Variants in DPYSL3 observed in about 807,000 individuals in gnomAD.
DPYSL3 encodes dihydropyrimidinase like 3.
Under a neutral mutation model 66.1 loss-of-function variants are expected in DPYSL3, and 16 were observed. The observed-to-expected ratio is 0.24, with a 90% CI of 0.16 to 0.37. The LOEUF is 0.37. Ranked by LOEUF, DPYSL3 falls within the 10% of genes least tolerant of loss-of-function variation. The pLI is 1.00. For synonymous variants in DPYSL3, 338 were observed against 345.1 expected, an observed-to-expected ratio of 0.98 and a Z score of 0.23; for missense variants, 738 against 916.2, an observed-to-expected ratio of 0.81 and a Z score of 2.51.
In DPYSL3 at chr5:147,392,075, A is replaced by G. The variant is rs1757826679; in HGVS notation, c.*1960T>C. 6.6e-6 allele frequency: 1 copy of G among 152,194 alleles called. No homozygotes were observed. The highest frequency in any genetic ancestry group is 1.5e-5 in the Non-Finnish European group (1 of 68,044). The allele number at this position is 152,194 out of a possible 1,614,324, so 9.4% of individuals were successfully genotyped here. The stretch of plus-strand genomic sequence containing the variant: ...TGTGGCTGGTACTGCAACCTATCCC[A>G]AAGTAACAGCCTAGTCAATGAGGTA... On this transcript the variant is annotated 3_prime_UTR_variant, in exon 14 of 14. Transcript: ENST00000343218.
chr5:147,502,757 T>C (rs917041097), intron 1 of DPYSL3, among the ~76,000 whole-genome samples: 108 of 152,184 alleles, frequency 7.1e-4, no homozygotes, highest in African/African-American at 2.6e-3. Flanking sequence ...TTTGTATTTT[T>C]AGTAGAGACG....
intron 1 of DPYSL3, among the ~76,000 whole-genome samples, chr5:147,447,507 G>A (rs943282335): frequency 6.6e-6 from 1 of 152,144 alleles, no homozygotes; most frequent in African/African-American, 2.4e-5. Context: ...TAGAGAAAGT[G>A]GGAGAAAAGG....
At chr5:147,396,820 C>T (rs1214141414) in intron 12 of DPYSL3, among the ~76,000 whole-genome samples, 1 of 150,248 alleles carries the variant, frequency 6.7e-6, no homozygotes, top group Non-Finnish European at 1.5e-5. Flanking sequence ...GGCTAATACA[C>T]ATATATATAC....
chr5:147,498,550 C>T (rs1250751872), intron 1 of DPYSL3, among the ~76,000 whole-genome samples: 1 of 152,194 alleles, frequency 6.6e-6, no homozygotes, highest in Non-Finnish European at 1.5e-5. Context: ...TTTACACTCC[C>T]ACCAACAGTG....
chr5:147,446,209 C>T (rs761207267), intron 1 of DPYSL3, among the ~76,000 whole-genome samples: 12 of 152,166 alleles, frequency 7.9e-5, no homozygotes, highest in Non-Finnish European at 1.3e-4. Flanking sequence ...TGGTTCAATG[C>T]CCTCATTTTA....
intron 1 of DPYSL3, among the ~76,000 whole-genome samples, chr5:147,443,137 C>T (rs1187638837): frequency 1.3e-5 from 2 of 152,174 alleles, no homozygotes; most frequent in African/African-American, 2.4e-5. Flanking sequence ...CCAGCAATCC[C>T]ATTACTGGGT....
chr5:147,392,619 T>C lies in DPYSL3; in HGVS notation c.*1416A>G, dbSNP rs1182727292. On this transcript the variant is annotated 3_prime_UTR_variant, in exon 14 of 14. Transcript: ENST00000343218. Reference sequence around the variant, plus strand: ...CACAGGACTTGCTCCAAAACTGAATTTTCAGAAGCAGCATGATAGGGAAAG... The same window carrying C: ...CACAGGACTTGCTCCAAAACTGAATCTTCAGAAGCAGCATGATAGGGAAAG... The C allele has an allele frequency of 6.6e-6, 1 of 152,212 alleles. No homozygotes were observed. The highest frequency in any genetic ancestry group is 2.4e-5 in the African/African-American group (1 of 41,444). The allele number at this position is 152,212 out of a possible 1,614,324, so 9.4% of individuals were successfully genotyped here. A position where few individuals can be genotyped will look rare whatever the true frequency, so the allele number is the denominator to read the frequency against.
chr5:147,492,333 A>G (rs764382226), intron 1 of DPYSL3, among the ~76,000 whole-genome samples: 13 of 152,144 alleles, frequency 8.5e-5, no homozygotes, highest in Non-Finnish European at 1.8e-4. Context: ...GGATCTACAT[A>G]AAGAAAAGAA....
At chr5:147,415,530 T>C (rs12515377) in intron 4 of DPYSL3, among the ~76,000 whole-genome samples, 179 bp downstream of exon 4, 4,271 of 152,186 alleles carry the variant, frequency 0.028, 183 homozygotes, top group East Asian at 0.19. Context: ...CACTATCTCA[T>C]GGGGATCCTG....
At chr5:147,415,063 G>C (rs937534886) in intron 4 of DPYSL3, among the ~76,000 whole-genome samples, 2 of 152,122 alleles carry the variant, frequency 1.3e-5, no homozygotes, top group African/African-American at 4.8e-5. Flanking sequence ...TGATCAAAAA[G>C]AAGCAGAGAA....
chr5:147,400,566 C>T (rs375532777), intron 10 of DPYSL3, 126 bp downstream of exon 10: 4 of 1,292,888 alleles, frequency 3.1e-6, no homozygotes, highest in Non-Finnish European at 4.3e-6. Context: ...GTTCCAGAGA[C>T]ATCTCAGCAA....
chr5:147,428,584 A>G (rs931131531), intron 1 of DPYSL3, among the ~76,000 whole-genome samples: 3 of 152,204 alleles, frequency 2.0e-5, no homozygotes, highest in African/African-American at 7.2e-5. Context: ...TTCATGGATG[A>G]GCCTGATAGA....
chr5:147,409,830 T>A (rs910818065), intron 6 of DPYSL3, among the ~76,000 whole-genome samples: 1 of 152,186 alleles, frequency 6.6e-6, no homozygotes, highest in Non-Finnish European at 1.5e-5. Flanking sequence ...ACAAGCCTAG[T>A]CTCACTTTGA....
In DPYSL3 at chr5:147,415,961, A is replaced by T. The variant is rs190418509; in HGVS notation, c.656-88T>A. 5.8e-5 allele frequency: 82 copies of T among 1,413,956 alleles called. No individual in the cohort carries two copies. In the African/African-American group the frequency reaches 9.4e-4, roughly 16 times the overall value. 87.6% of individuals were successfully genotyped at this position (1,413,956 alleles called of 1,614,324 possible). A position where few individuals can be genotyped will look rare whatever the true frequency, so the allele number is the denominator to read the frequency against. On this transcript the variant is annotated intron_variant, in intron 3 of 13. Coordinates refer to ENST00000343218, the MANE Select transcript of DPYSL3 (RefSeq NM_001197294.2). ...GCCTGCTCCTGCTTGCTTAGCTGTG[A>T]CTGCAGAATCTCTATTTCCTGAGCA...
Position 147,391,893 on chromosome 5 carries a change from C to A in DPYSL3, c.*2142G>T, listed in dbSNP as rs966598861. 6.6e-6 allele frequency: 1 copy of A among 152,132 alleles called. No homozygotes were observed. Among genetic ancestry groups the A allele is most frequent in the African/African-American group, 2.4e-5 (1 of 41,408 alleles). 9.4% of individuals were successfully genotyped at this position (152,132 alleles called of 1,614,324 possible). A position where few individuals can be genotyped will look rare whatever the true frequency, so the allele number is the denominator to read the frequency against. On this transcript the variant is annotated 3_prime_UTR_variant, in exon 14 of 14. Transcript: ENST00000343218. ...CACTTCGGAAGTCCCAAGGGCAGTGCGGATGACCGATTTGGCCATGGAAGA... is the reference window on the plus strand; with the variant it reads ...CACTTCGGAAGTCCCAAGGGCAGTGAGGATGACCGATTTGGCCATGGAAGA...
intron 1 of DPYSL3, among the ~76,000 whole-genome samples, chr5:147,429,487 T>TGTGC (rs2126342075): frequency 6.6e-6 from 1 of 152,290 alleles, no homozygotes; most frequent in Non-Finnish European, 1.5e-5. Context: ...TGCGTGTGTG[T>TGTGC]GTGCGTGTAT....
At chr5:147,461,515 C>G (rs1326975736) in intron 1 of DPYSL3, among the ~76,000 whole-genome samples, 1 of 152,154 alleles carries the variant, frequency 6.6e-6, no homozygotes, top group Non-Finnish European at 1.5e-5. Flanking sequence ...CAACCTTACT[C>G]TTTGTGTGTC....
At chr5:147,474,437 G>C (rs1405523652) in intron 1 of DPYSL3, among the ~76,000 whole-genome samples, 1 of 151,980 alleles carries the variant, frequency 6.6e-6, no homozygotes, top group Admixed American at 6.6e-5. Flanking sequence ...CCTCACAAAG[G>C]GAAGTACTTT....
intron 1 of DPYSL3, among the ~76,000 whole-genome samples, chr5:147,461,349 C>A (rs1737666796): frequency 6.6e-6 from 1 of 152,176 alleles, no homozygotes; most frequent in African/African-American, 2.4e-5. Flanking sequence ...CCTGGTCCAA[C>A]CAATCTTTTG....
Sources: allele counts gnomAD v4.1 joint callset (sites outside exome capture counted in the v4.1 genomes callset), GRCh38; gene constraint gnomAD v4.1.1; transcripts MANE v1.5; gene names NCBI Gene and HGNC (gene_info 2026-07-23, HGNC 2026-07-21).